FDXR: variants seen among roughly 807,000 people sequenced by gnomAD.
FDXR encodes NADPH:adrenodoxin oxidoreductase, mitochondrial.
In FDXR, 38 loss-of-function variants were observed where a neutral mutation model predicts 58.3. The ratio of observed to expected loss-of-function variants is 0.65; its 90% CI spans 0.50 to 0.85. The LOEUF (loss-of-function observed/expected upper bound fraction) is 0.85, where lower values mean the gene tolerates loss of function less well. Ranked by LOEUF, FDXR falls within the 40% of genes least tolerant of loss-of-function variation. The pLI is 0.00. For synonymous variants in FDXR, 275 were observed against 273.8 expected (o/e 1.00, Z -0.04); for missense variants, 624 against 671.0 (o/e 0.93, Z 0.77).
chr17:74,871,971 C>T lies in FDXR; in HGVS notation c.177+65G>A, dbSNP rs963074873. ...CCAGGAGTGCTCTTAAAACCCAAAG[C>T]GGGTGAGGCTTGCCCTTAGGACTGG... is the stretch of plus-strand genomic sequence containing the variant. On this transcript the variant is annotated intron_variant, in intron 2 of 11. Transcript: ENST00000293195. 25 of 1,294,074 alleles carry T rather than the reference C, an allele frequency of 1.9e-5. No homozygotes were observed. In the Admixed American group the frequency reaches 2.2e-4, roughly 11 times the overall value. The allele number at this position is 1,294,074 out of a possible 1,614,324, so 80.2% of individuals were successfully genotyped here.
At chr17:74,867,114 C>T (rs2144665692) in intron 2 of FDXR, 1 of 749,582 alleles carries the variant, frequency 1.3e-6, no homozygotes, top group African/African-American at 1.8e-5. Flanking sequence ...CGAGACCAGC[C>T]TGACCAACAT....
intron 3 of FDXR, 62 bp from the exon 4 acceptor site, chr17:74,866,630 G>A: frequency 6.2e-7 from 1 of 1,608,668 alleles, no homozygotes; most frequent in South Asian, 1.1e-5. Context: ...GACCAAGTCT[G>A]CACCACCCTC....
chr17:74,862,693 G>GCCAAGCCT lies in FDXR; in HGVS notation c.*116_*123dup. On this transcript the variant is annotated 3_prime_UTR_variant, in exon 12 of 12. Coordinates refer to ENST00000293195, the MANE Select transcript of FDXR (RefSeq NM_024417.5). ...AGGGAGGAGAGACGCTGGAAGAGCA[G>GCCAAGCCT]CCAAGCCTCCAAGCCAGGGCCGGCC... 7.5e-7 allele frequency: 1 copy of GCCAAGCCT among 1,334,352 alleles called. No individual in the cohort carries two copies. The allele number at this position is 1,334,352 out of a possible 1,614,324, so 82.7% of individuals were successfully genotyped here.
chr17:74,862,719 G>A lies in FDXR; in HGVS notation c.*98C>T, dbSNP rs1025136017. 3 of 1,453,112 alleles carry A rather than the reference G, an allele frequency of 2.1e-6. No homozygotes were observed. The highest frequency in any genetic ancestry group is 2.3e-5 in the East Asian group (1 of 43,024). 90.0% of individuals were successfully genotyped at this position (1,453,112 alleles called of 1,614,324 possible). On this transcript the variant is annotated 3_prime_UTR_variant, in exon 12 of 12. Coordinates refer to ENST00000293195, the MANE Select transcript of FDXR (RefSeq NM_024417.5). ...CCAAGCCTCCAAGCCAGGGCCGGCC[G>A]GGATCAGCAGAGGTGCAAAGTCCCA...
chr17:74,864,706 G>C (rs1219274615), intron 7 of FDXR, 118 bp downstream of exon 7: 25 of 1,489,810 alleles, frequency 1.7e-5, no homozygotes, highest in Non-Finnish European at 2.2e-5. Context: ...GGCCCTGACT[G>C]CTCCCCTTCT....
In FDXR at chr17:74,872,041, G is replaced by C. The variant is rs537805532; in HGVS notation, c.172C>G (p.Leu58Val). 31 of 1,585,808 alleles carry C rather than the reference G, an allele frequency of 2.0e-5. No individual in the cohort carries two copies. In the South Asian group the frequency reaches 3.6e-4, roughly 18 times the overall value. Residue 58 changes from leucine to valine, a missense_variant, in exon 2 of 12, where the codon CTA becomes GTA. Leu to Val is a conservative substitution (Grantham distance 32, BLOSUM62 1). Coordinates refer to ENST00000293195, the MANE Select transcript of FDXR (RefSeq NM_024417.5). Reference protein sequence around the residue: ...PAGFYTAQHLLKHPQAHVDIY... With the variant: ...PAGFYTAQHLVKHPQAHVDIY... ...ACTATGAGTAAGTGGCTTACCTTTA[G>C]CAGGTGTTGGGCCGTGTAGAAGCCA...
chr17:74,866,868 C>T lies in FDXR; in HGVS notation c.186G>A (p.Gln62=). Residue 62 remains glutamine (Q), a synonymous_variant, in exon 3 of 12, where the codon CAG becomes CAA. Transcript: ENST00000293195. ...GTTTCTCGTAGATGTCCACGTGGGCCTGGGGGTGCTGCTGGGGAACAGGGT... is the reference window on the plus strand; with the variant it reads ...GTTTCTCGTAGATGTCCACGTGGGCTTGGGGGTGCTGCTGGGGAACAGGGT... ...YTAQHLLKHP[Q]AHVDIYEKQP... 1.2e-6 allele frequency: 2 copies of T among 1,613,860 alleles called. No homozygotes were observed. The highest frequency in any genetic ancestry group is 1.3e-5 in the African/African-American group (1 of 75,034).
Position 74,864,505 on chromosome 17 carries a change from G to C in FDXR, c.777C>G (p.Phe259Leu). The C allele has an allele frequency of 6.2e-7, 1 of 1,614,106 alleles. No homozygotes were observed. Among genetic ancestry groups the C allele is most frequent in the African/African-American group, 1.3e-5 (1 of 75,040 alleles). Residue 259 changes from phenylalanine (F) to leucine (L), a missense_variant, in exon 8 of 12, where the codon TTC becomes TTG. Transcript: ENST00000293195. ...CCTTGATCTTGTCCTGGAGACCCAAGAAATCCACAGGATCCAAAATGGGCC... is the reference window on the plus strand; with the variant it reads ...CCTTGATCTTGTCCTGGAGACCCAACAAATCCACAGGATCCAAAATGGGCC... ...GARPILDPVD[F>L]LGLQDKIKEV...
intron 1 of FDXR, chr17:74,872,420 C>T (rs1199063172): frequency 3.9e-6 from 3 of 759,644 alleles, no homozygotes; most frequent in Non-Finnish European, 6.3e-6. Context: ...GCTAGAATCC[C>T]ACATCCTTCC....
intron 2 of FDXR, among the ~76,000 whole-genome samples, chr17:74,870,254 C>T (rs36089184): frequency 0.079 from 12,005 of 152,250 alleles, 643 homozygotes; most frequent in Non-Finnish European, 0.12. Context: ...CGGGGGCTCA[C>T]GCCTGTAATC....
chr17:74,872,463 G>A (rs910433050), intron 1 of FDXR: 2 of 644,940 alleles, frequency 3.1e-6, no homozygotes, highest in South Asian at 2.0e-5. Flanking sequence ...TCTCGCCCCC[G>A]TGGGTCTCCC....
chr17:74,868,596 T>A (rs2038271692), intron 2 of FDXR: 3 of 1,535,686 alleles, frequency 2.0e-6, no homozygotes, highest in Non-Finnish European at 2.6e-6. Context: ...TCACTCTGGG[T>A]CACGATGTCC....
At chr17:74,868,891 C>A (rs1382530516) in intron 2 of FDXR, 4 of 737,594 alleles carry the variant, frequency 5.4e-6, no homozygotes, top group Non-Finnish European at 8.4e-6. Context: ...AGCTCCAAAC[C>A]TGAGACCCTT....
Position 74,865,043 on chromosome 17 carries a change from C to T in FDXR, c.610-112G>A, listed in dbSNP as rs541505879. The T allele has an allele frequency of 7.9e-5, 117 of 1,476,376 alleles. 1 individual carries two copies. In the South Asian group the frequency reaches 1.1e-3, roughly 13 times the overall value. 91.5% of individuals were successfully genotyped at this position (1,476,376 alleles called of 1,614,324 possible). A position where few individuals can be genotyped will look rare whatever the true frequency, so the allele number is the denominator to read the frequency against. On this transcript the variant is annotated intron_variant, in intron 6 of 11. Coordinates refer to ENST00000293195, the MANE Select transcript of FDXR (RefSeq NM_024417.5). ...GGAGAAGGCTGGCGGCTCAAAATTG[C>T]GCCACTGCTCCCCCCTGGTGGCCAG...
chr17:74,864,469 G>C lies in FDXR; in HGVS notation c.802+11C>G, dbSNP rs2038095759. The stretch of plus-strand genomic sequence containing the variant: ...CCCTAGTAGTTGGGGGGCCAGGCCA[G>C]GGCCCCTCACCCTTGATCTTGTCCT... On this transcript the variant is annotated intron_variant, in intron 8 of 11. Coordinates refer to ENST00000293195, the MANE Select transcript of FDXR (RefSeq NM_024417.5). 3.8e-5 allele frequency: 62 copies of C among 1,613,014 alleles called. No individual in the cohort carries two copies. The highest frequency in any genetic ancestry group is 5.3e-5 in the Non-Finnish European group (62 of 1,179,066).
At chr17:74,864,101 T>C in intron 9 of FDXR, 34 bp from the exon 10 acceptor site, 2 of 1,613,400 alleles carry the variant, frequency 1.2e-6, no homozygotes, top group Non-Finnish European at 1.7e-6. Context: ...ACCAGGCGGG[T>C]GGCAGAGGCC....
chr17:74,864,162 C>A lies in FDXR; in HGVS notation c.988G>T (p.Val330Phe). ...GRRAAGVRLA[V>F]TRLEGVDEAT... ...ATGAGACTCACCTCCAGTCTAGTGA[C>A]TGCTAGGCGGACACCTGCTGCCCGC... The change falls in exon 9 of 12, where the codon GTC (valine) becomes TTC (phenylalanine). Residue 330 changes from valine (V) to phenylalanine (F), a missense_variant. Transcript: ENST00000293195. 1 of 1,612,790 alleles carries A rather than the reference C, an allele frequency of 6.2e-7. No homozygotes were observed. Among genetic ancestry groups the A allele is most frequent in the Non-Finnish European group, 8.5e-7 (1 of 1,179,992 alleles).
intron 11 of FDXR, 42 bp downstream of exon 11, chr17:74,863,034 C>A (rs1365971447): frequency 6.2e-7 from 1 of 1,602,416 alleles, no homozygotes; most frequent in Non-Finnish European, 8.5e-7. Context: ...AGAGAAGGAC[C>A]ACCCACCCCA....
At chr17:74,868,646 T>G (rs2038274224) in intron 2 of FDXR, 1 of 1,535,620 alleles carries the variant, frequency 6.5e-7, no homozygotes, top group Non-Finnish European at 8.7e-7. Context: ...CTGCCGGATG[T>G]TCTTACCCCT....
Sources: gnomAD v4.1 joint callset for allele counts (sites outside exome capture counted in the v4.1 genomes callset) on GRCh38, gnomAD v4.1.1 for gene constraint, MANE v1.5 for transcripts, NCBI Gene and HGNC (gene_info 2026-07-23, HGNC 2026-07-21) for gene names.